The following DRGX variants were observed in gnomAD, a reference collection of about 807,000 sequenced individuals.
DRGX encodes dorsal root ganglia homeobox protein.
A neutral mutation model predicts 28.6 loss-of-function variants in DRGX; 21 were observed. The observed-to-expected ratio is 0.73, with a 90% CI of 0.52 to 1.06. The LOEUF (loss-of-function observed/expected upper bound fraction) is 1.06. Ranked by LOEUF, DRGX falls within the 50% of genes least tolerant of loss-of-function variation. DRGX has a pLI of 0.00. For synonymous variants in DRGX, 136 were observed against 139.1 expected (o/e 0.98, Z 0.16); for missense variants, 354 against 343.9 (o/e 1.03, Z -0.23).
intron 2 of DRGX, among the ~76,000 whole-genome samples, chr10:49,392,779 G>A (rs1849924312): frequency 6.6e-6 from 1 of 152,140 alleles, no homozygotes; most frequent in African/African-American, 2.4e-5. Flanking sequence ...GAAAAAATGA[G>A]AATAGCTCTT....
At chr10:49,386,361 C>A in intron 6 of DRGX, 117 bp downstream of exon 6, 1 of 850,166 alleles carries the variant, frequency 1.2e-6, no homozygotes, top group Non-Finnish European at 1.8e-6. Context: ...TGACAGGAGG[C>A]GAGGAAGCTG....
chr10:49,367,788 G>A (rs1849615965), intron 6 of DRGX, among the ~76,000 whole-genome samples: 1 of 152,262 alleles, frequency 6.6e-6, no homozygotes, highest in African/African-American at 2.4e-5. Flanking sequence ...CATGTCCTCA[G>A]GCTGCAAGTG....
chr10:49,390,557 G>C (rs1420753840), intron 3 of DRGX, among the ~76,000 whole-genome samples: 1 of 152,196 alleles, frequency 6.6e-6, no homozygotes, highest in Non-Finnish European at 1.5e-5. Flanking sequence ...TGAACTGTTA[G>C]AGTAATTGTT....
intron 6 of DRGX, among the ~76,000 whole-genome samples, chr10:49,383,472 G>A (rs186088083): frequency 6.6e-6 from 1 of 152,252 alleles, no homozygotes; most frequent in East Asian, 1.9e-4. Context: ...AGCAGAAATG[G>A]GACACCCCCT....
chr10:49,388,064 C>A (rs146682245), intron 4 of DRGX, among the ~76,000 whole-genome samples: 107 of 152,310 alleles, frequency 7.0e-4, no homozygotes, highest in Middle Eastern at 3.4e-3. Context: ...ATCTCCGTCA[C>A]CCTCAGGTTA....
intron 2 of DRGX, among the ~76,000 whole-genome samples, chr10:49,394,837 C>T (rs1849947788): frequency 1.3e-5 from 2 of 152,230 alleles, no homozygotes; most frequent in South Asian, 2.1e-4. Flanking sequence ...CTAGGTCAGT[C>T]CGGGCAGGTG....
chr10:49,383,236 C>T (rs575545167), intron 6 of DRGX, among the ~76,000 whole-genome samples: 5 of 152,252 alleles, frequency 3.3e-5, no homozygotes, highest in Non-Finnish European at 7.3e-5. Flanking sequence ...ACTGACCACA[C>T]TACCGTGAGA....
intron 6 of DRGX, among the ~76,000 whole-genome samples, chr10:49,376,842 C>T (rs1849722509): frequency 6.6e-6 from 1 of 152,168 alleles, no homozygotes; most frequent in Non-Finnish European, 1.5e-5. Context: ...TGTGGAGAAA[C>T]TTCCTCCCTC....
At chr10:49,375,594 G>A (rs1849708154) in intron 6 of DRGX, among the ~76,000 whole-genome samples, 1 of 152,136 alleles carries the variant, frequency 6.6e-6, no homozygotes. Context: ...TTACATGTAA[G>A]GCCTCTGTTT....
intron 6 of DRGX, among the ~76,000 whole-genome samples, chr10:49,366,977 G>A (rs1849608379): frequency 6.6e-6 from 1 of 152,162 alleles, no homozygotes; most frequent in Non-Finnish European, 1.5e-5. Flanking sequence ...TGTGTGTGGT[G>A]GAGTCTAATA....
chr10:49,385,481 C>T (rs1008981828), intron 6 of DRGX, among the ~76,000 whole-genome samples: 4 of 152,174 alleles, frequency 2.6e-5, no homozygotes, highest in Non-Finnish European at 4.4e-5. Context: ...CCCAGAATCC[C>T]TTCCCTCCTT....
Position 49,364,173 on chromosome 10 carries a change from T to C in DRGX, c.*1943A>G, listed in dbSNP as rs369515095. On this transcript the variant is annotated 3_prime_UTR_variant, in exon 7 of 7. Transcript: ENST00000374139. ...AACAAAACAAAGTACTCAATATCTC[T>C]GCAGAGGTTTGGTGCTCATTTTCTT... 6.6e-6 allele frequency: 1 copy of C among 152,254 alleles called. No individual in the cohort carries two copies. Among genetic ancestry groups the C allele is most frequent in the African/African-American group, 2.4e-5 (1 of 41,460 alleles). 9.4% of individuals were successfully genotyped at this position (152,254 alleles called of 1,614,324 possible).
At chr10:49,380,707 G>A (rs534005861) in intron 6 of DRGX, among the ~76,000 whole-genome samples, 2 of 152,336 alleles carry the variant, frequency 1.3e-5, no homozygotes, top group East Asian at 3.9e-4. Flanking sequence ...AAAAATTGGA[G>A]CAACAAGGAT....
intron 3 of DRGX, 94 bp downstream of exon 3, chr10:49,391,070 G>A (rs908092865): frequency 7.7e-7 from 1 of 1,298,040 alleles, no homozygotes; most frequent in African/African-American, 1.5e-5. Flanking sequence ...ATAATCAATT[G>A]GTCTTATTTT....
In DRGX at chr10:49,365,865, G is replaced by A. The variant is rs887945889; in HGVS notation, c.*251C>T. On this transcript the variant is annotated 3_prime_UTR_variant, in exon 7 of 7. Coordinates refer to ENST00000374139, the MANE Select transcript of DRGX (RefSeq NM_001276451.2). ...TCCCAGGGAGGCTCCTCACAGAGAG[G>A]GCTCTGCTGCCACCAAGTGCCATCG... The A allele has an allele frequency of 5.4e-6, 2 of 373,506 alleles. No homozygotes were observed. Among genetic ancestry groups the A allele is most frequent in the Admixed American group, 4.6e-5 (1 of 21,914 alleles). The allele number at this position is 373,506 out of a possible 1,614,324, so 23.1% of individuals were successfully genotyped here.
intron 6 of DRGX, among the ~76,000 whole-genome samples, chr10:49,369,988 T>G (rs1849637961): frequency 6.6e-6 from 1 of 152,058 alleles, no homozygotes; most frequent in African/African-American, 2.4e-5. Context: ...CACCGGGCCT[T>G]TGCCTAAGGA....
intron 6 of DRGX, among the ~76,000 whole-genome samples, chr10:49,380,025 C>A (rs1229731827): frequency 6.6e-6 from 1 of 152,222 alleles, no homozygotes; most frequent in Non-Finnish European, 1.5e-5. Context: ...GTTCTCTGGC[C>A]TCGGGCTCTG....
intron 4 of DRGX, among the ~76,000 whole-genome samples, chr10:49,388,985 A>T (rs751395940): frequency 1.1e-4 from 16 of 152,200 alleles, no homozygotes; most frequent in Non-Finnish European, 1.8e-4. Context: ...GGGAGAAGTT[A>T]TGATCTTCCA....
intron 6 of DRGX, among the ~76,000 whole-genome samples, chr10:49,378,025 G>T (rs1232333309): frequency 6.6e-6 from 1 of 151,996 alleles, no homozygotes; most frequent in African/African-American, 2.4e-5. Context: ...TCTAATTTGG[G>T]TCTATTCCAG....
Sources: allele counts gnomAD v4.1 joint callset (sites outside exome capture counted in the v4.1 genomes callset), GRCh38; gene constraint gnomAD v4.1.1; transcripts MANE v1.5; gene names NCBI Gene and HGNC (gene_info 2026-07-23, HGNC 2026-07-21).